KALRN: variants seen among roughly 807,000 people sequenced by gnomAD.
The protein encoded by KALRN is kalirin.
Under a neutral mutation model 353.7 loss-of-function variants are expected in KALRN, and 70 were observed. The observed-to-expected ratio is 0.20, with a 90% CI of 0.16 to 0.24. The LOEUF (loss-of-function observed/expected upper bound fraction) is 0.24. Among genes scored for constraint, KALRN ranks in the 10% least tolerant of loss-of-function variants. The pLI is 1.00. For missense variants in KALRN, 2,791 were observed against 3,756.7 expected, an observed-to-expected ratio of 0.74 and a Z score of 6.72; for synonymous variants, 1,391 against 1,434.8, an observed-to-expected ratio of 0.97 and a Z score of 0.69.
At chr3:124,200,701 G>A (rs1253190858) in intron 1 of KALRN, among the ~76,000 whole-genome samples, 1 of 152,122 alleles carries the variant, frequency 6.6e-6, no homozygotes, top group Non-Finnish European at 1.5e-5. Flanking sequence ...TACATGGGAG[G>A]GGTTACATCT....
chr3:124,138,681 C>A (rs2066244495), intron 1 of KALRN, among the ~76,000 whole-genome samples: 1 of 152,180 alleles, frequency 6.6e-6, no homozygotes, highest in Admixed American at 6.5e-5. Flanking sequence ...AATTCCCGGG[C>A]CTTTTGGTCT....
intron 51 of KALRN, among the ~76,000 whole-genome samples, chr3:124,691,095 T>C (rs1163887938): frequency 2.0e-5 from 3 of 152,226 alleles, no homozygotes; most frequent in African/African-American, 4.8e-5. Flanking sequence ...TATAGTCTAA[T>C]AGGTTCGACC....
intron 1 of KALRN, among the ~76,000 whole-genome samples, chr3:124,165,150 T>G (rs774158119): frequency 6.6e-6 from 1 of 152,272 alleles, no homozygotes; most frequent in Non-Finnish European, 1.5e-5. Flanking sequence ...ACACAAGTAA[T>G]TAATTTGTCA....
intron 6 of KALRN, 78 bp from the exon 7 acceptor site, chr3:124,325,902 C>T: frequency 7.9e-7 from 1 of 1,269,106 alleles, no homozygotes. Flanking sequence ...GCTCCCTTCC[C>T]CAAATATGTA....
chr3:124,563,611 T>TA (rs1234181307), intron 34 of KALRN, among the ~76,000 whole-genome samples: 1 of 152,212 alleles, frequency 6.6e-6, no homozygotes, highest in Non-Finnish European at 1.5e-5. Context: ...ATGACTCCTT[T>TA]ATGTGCCTTC....
chr3:124,231,321 C>G (rs1023471895), intron 2 of KALRN, among the ~76,000 whole-genome samples: 1 of 152,228 alleles, frequency 6.6e-6, no homozygotes, highest in Non-Finnish European at 1.5e-5. Flanking sequence ...AGTCACAGCA[C>G]CCATTGTCCC....
rs373918933 is a variant in KALRN, at chr3:124,632,370, G to A, written c.5183-50G>A. 337 of 1,583,264 alleles carry A rather than the reference G, an allele frequency of 2.1e-4. 1 individual carries two copies. Among genetic ancestry groups the A allele is most frequent in the South Asian group, 1.7e-3 (146 of 87,090 alleles). ...GGAGCTGTCTCAGTCCCAGGTTTGC[G>A]GCCTGCCTTCACCACCTCTGACATG... On this transcript the variant is annotated intron_variant, in intron 34 of 59. Coordinates refer to ENST00000682506, the MANE Select transcript of KALRN (RefSeq NM_001388419.1).
At chr3:124,510,559 G>A (rs533790756) in intron 33 of KALRN, among the ~76,000 whole-genome samples, 13 of 151,996 alleles carry the variant, frequency 8.6e-5, no homozygotes, top group South Asian at 8.3e-4. Flanking sequence ...ATAGAATTAC[G>A]TTTATCCTCA....
At chr3:124,310,333 ACTC>A (rs1255856930) in intron 6 of KALRN, among the ~76,000 whole-genome samples, 1 of 152,196 alleles carries the variant, frequency 6.6e-6, no homozygotes, top group East Asian at 1.9e-4. Context: ...GGATGGCAAT[ACTC>A]CTCAAATCCT....
At chr3:124,512,576 C>T (rs1242483093) in intron 33 of KALRN, among the ~76,000 whole-genome samples, 2 of 152,034 alleles carry the variant, frequency 1.3e-5, no homozygotes, top group East Asian at 3.9e-4. Context: ...GCTGGAACCA[C>T]AGAGGCAGAG....
chr3:124,095,153 A>G (rs1351964441), intron 1 of KALRN, among the ~76,000 whole-genome samples: 3 of 152,158 alleles, frequency 2.0e-5, no homozygotes, highest in African/African-American at 7.2e-5. Flanking sequence ...ACAGGATCTC[A>G]TTTCTTGCTG....
intron 34 of KALRN, among the ~76,000 whole-genome samples, chr3:124,617,867 C>G (rs1175855886): frequency 6.6e-6 from 1 of 152,004 alleles, no homozygotes; most frequent in Non-Finnish European, 1.5e-5. Context: ...GTGGAACTAC[C>G]ATAAAAAAGT....
intron 1 of KALRN, among the ~76,000 whole-genome samples, chr3:124,201,105 G>T (rs1052220305): frequency 6.6e-6 from 1 of 152,182 alleles, no homozygotes; most frequent in Non-Finnish European, 1.5e-5. Flanking sequence ...CTAGAATGGG[G>T]ATATGATGCC....
intron 2 of KALRN, 76 bp from the exon 3 acceptor site, chr3:124,234,749 TCAGA>T (rs1220594919): frequency 1.8e-6 from 2 of 1,094,772 alleles, no homozygotes; most frequent in East Asian, 5.2e-5. Flanking sequence ...CACCCAGCAC[TCAGA>T]CAGATTTCTT....
At chr3:124,141,412 T>C (rs548224633) in intron 1 of KALRN, among the ~76,000 whole-genome samples, 1 of 152,244 alleles carries the variant, frequency 6.6e-6, no homozygotes, top group South Asian at 2.1e-4. Flanking sequence ...TGGAGCATAT[T>C]TTCTGCTTTT....
At chr3:124,118,521 C>G (rs905584307) in intron 1 of KALRN, among the ~76,000 whole-genome samples, 1 of 152,078 alleles carries the variant, frequency 6.6e-6, no homozygotes, top group African/African-American at 2.4e-5. Context: ...CGTGGAGTTG[C>G]AGGAGACACT....
rs924896629 is a variant in KALRN, at chr3:124,143,171, C to T, written c.74-84819C>T. ...TGTTATTGCAGACTCTGGGATTATCCATAATTCACCTCTCTTGGCTGGGTG... is the reference window on the plus strand; with the variant it reads ...TGTTATTGCAGACTCTGGGATTATCTATAATTCACCTCTCTTGGCTGGGTG... On this transcript the variant is annotated intron_variant, in intron 1 of 59. Transcript: ENST00000682506. 1.8e-4 allele frequency among the ~76,000 whole-genome samples: 27 copies of T among 152,138 alleles called. No homozygotes were observed. The South Asian group carries it at 4.6e-3, about 26-fold the overall frequency.
At position 124,434,487 on chromosome 3, in the gene KALRN, G is replaced by C; in HGVS notation, c.3010G>C (p.Val1004Leu). Residue 1004 changes from valine to leucine, a missense_variant, in exon 17 of 60, where the codon GTC (valine) becomes CTC (leucine). Physicochemically the swap from Val to Leu is conservative, Grantham distance 32. Transcript: ENST00000682506. ...GAAGATGGAAGACCGGCTAAAATTGGTCAATGCCTCTGTGGCCTTTTACAA... is the reference window on the plus strand; with the variant it reads ...GAAGATGGAAGACCGGCTAAAATTGCTCAATGCCTCTGTGGCCTTTTACAA... Reference protein sequence around the residue: ...MLKMEDRLKLVNASVAFYKTS... With the variant: ...MLKMEDRLKLLNASVAFYKTS... The C allele has an allele frequency of 6.2e-7, 1 of 1,614,222 alleles. No individual in the cohort carries two copies. Among genetic ancestry groups the C allele is most frequent in the African/African-American group, 1.3e-5 (1 of 75,078 alleles).
intron 1 of KALRN, among the ~76,000 whole-genome samples, chr3:124,063,593 G>A (rs1414348835): frequency 1.3e-5 from 2 of 152,232 alleles, no homozygotes; most frequent in Non-Finnish European, 2.9e-5. Context: ...GCAAACAGAT[G>A]TCAGTATTTA....
Sources: gnomAD v4.1 joint callset for allele counts (sites outside exome capture counted in the v4.1 genomes callset) on GRCh38, gnomAD v4.1.1 for gene constraint, MANE v1.5 for transcripts, NCBI Gene and HGNC (gene_info 2026-07-23, HGNC 2026-07-21) for gene names.